The following BZW2 variants were observed in gnomAD, a reference collection of about 807,000 sequenced individuals.
BZW2 encodes the protein basic leucine zipper and W2 domains 2.
Under a neutral mutation model 53.2 loss-of-function variants are expected in BZW2, and 23 were observed. The observed-to-expected ratio is 0.43, with a 90% CI of 0.31 to 0.61. The LOEUF (loss-of-function observed/expected upper bound fraction) is 0.61, where lower values mean the gene tolerates loss of function less well. Among genes scored for constraint, BZW2 ranks in the 20% least tolerant of loss-of-function variants. BZW2 has a pLI of 0.09. For synonymous variants in BZW2, 227 were observed against 186.4 expected, an observed-to-expected ratio of 1.22 and a Z score of -1.77; for missense variants, 409 against 503.1, an observed-to-expected ratio of 0.81 and a Z score of 1.79.
chr7:16,675,015 G>T (rs1229965173), intron 3 of BZW2, among the ~76,000 whole-genome samples: 1 of 151,118 alleles, frequency 6.6e-6, no homozygotes, highest in Non-Finnish European at 1.5e-5. Context: ...CCTGGTTTTT[G>T]AAAAATCATT....
intron 7 of BZW2, among the ~76,000 whole-genome samples, chr7:16,692,762 T>TCAAAA (rs1014723395): frequency 6.6e-6 from 1 of 152,146 alleles, no homozygotes; most frequent in Admixed American, 6.5e-5. Context: ...AGACTCCGTC[T>TCAAAA]CAAAACAAAA....
intron 1 of BZW2, among the ~76,000 whole-genome samples, chr7:16,654,782 G>A (rs1054636525): frequency 2.7e-5 from 4 of 150,936 alleles, no homozygotes; most frequent in African/African-American, 9.8e-5. Context: ...CAGGTGATCC[G>A]CCTGCCTCAG....
intron 6 of BZW2, chr7:16,687,096 G>GT (rs1413404760): frequency 1.3e-5 from 2 of 151,956 alleles, no homozygotes. Flanking sequence ...TGCCTTTCTA[G>GT]TTTTTTTAAA....
intron 1 of BZW2, among the ~76,000 whole-genome samples, chr7:16,653,598 T>C (rs541835545): frequency 1.3e-5 from 2 of 152,344 alleles, no homozygotes; most frequent in South Asian, 4.1e-4. Flanking sequence ...ATCTTTCTCC[T>C]CTACTATGTA....
intron 5 of BZW2, among the ~76,000 whole-genome samples, chr7:16,684,896 G>C (rs908524901): frequency 2.0e-5 from 3 of 152,192 alleles, no homozygotes; most frequent in African/African-American, 7.2e-5. Flanking sequence ...GGAATAGTAA[G>C]TTAATATTTT....
chr7:16,658,854 A>G (rs903723479), intron 1 of BZW2, among the ~76,000 whole-genome samples: 1 of 151,680 alleles, frequency 6.6e-6, no homozygotes, highest in African/African-American at 2.4e-5. Context: ...CAGCCTGGGC[A>G]ACAGAGCAAG....
chr7:16,683,179 G>C (rs768567926), intron 5 of BZW2, among the ~76,000 whole-genome samples: 5 of 152,134 alleles, frequency 3.3e-5, no homozygotes, highest in Non-Finnish European at 5.9e-5. Flanking sequence ...CTGGGCAACA[G>C]AGCAAGACTC....
chr7:16,684,455 A>G (rs974080699), intron 5 of BZW2, among the ~76,000 whole-genome samples: 6 of 152,204 alleles, frequency 3.9e-5, no homozygotes, highest in Non-Finnish European at 5.9e-5. Flanking sequence ...TAATTGAGCA[A>G]TGTGGTTATT....
intron 6 of BZW2, among the ~76,000 whole-genome samples, chr7:16,689,325 G>T (rs1300665913): frequency 2.0e-5 from 3 of 152,292 alleles, no homozygotes; most frequent in Non-Finnish European, 4.4e-5. Flanking sequence ...AATACTTATT[G>T]TATCTATCAC....
intron 7 of BZW2, among the ~76,000 whole-genome samples, chr7:16,690,966 G>A (rs1783284751): frequency 6.6e-6 from 1 of 152,150 alleles, no homozygotes; most frequent in Non-Finnish European, 1.5e-5. Flanking sequence ...CTTCCAATGT[G>A]TTTCAGTGTG....
chr7:16,656,547 G>GCA (rs1782126860), intron 1 of BZW2, among the ~76,000 whole-genome samples: 1 of 111,384 alleles, frequency 9.0e-6, no homozygotes, highest in African/African-American at 4.3e-5. Flanking sequence ...ACTCCCCAGC[G>GCA]CGCGCGCGCA....
rs144538634 is a variant in BZW2, at chr7:16,676,035, C to T, written c.235+1447C>T. Among the ~76,000 whole-genome samples the T allele has an allele frequency of 8.5e-4, 130 of 152,172 alleles. 1 individual carries two copies. The highest frequency in any genetic ancestry group is 2.9e-3 in the African/African-American group (119 of 41,526). ...GGCAGAGGTTACAGTGAGCTGAGAT[C>T]GAGCCTCTGCACCCCAACCTGGGTG... is the stretch of plus-strand genomic sequence containing the variant. On this transcript the variant is annotated intron_variant, in intron 3 of 11. Coordinates refer to ENST00000258761, the MANE Select transcript of BZW2 (RefSeq NM_014038.3).
chr7:16,679,524 G>A (rs1420261532), intron 3 of BZW2, among the ~76,000 whole-genome samples: 13 of 152,200 alleles, frequency 8.5e-5, no homozygotes, highest in South Asian at 8.3e-4. Flanking sequence ...GCTGAAGTCT[G>A]AAGCCCATAG....
chr7:16,663,596 G>T, intron 1 of BZW2, among the ~76,000 whole-genome samples: 1 of 151,730 alleles, frequency 6.6e-6, no homozygotes, highest in South Asian at 2.1e-4. Context: ...ATGTTCTTAA[G>T]GATTTTTTAA....
intron 5 of BZW2, among the ~76,000 whole-genome samples, chr7:16,684,682 C>T (rs890845697): frequency 3.3e-5 from 5 of 152,046 alleles, no homozygotes; most frequent in Non-Finnish European, 7.4e-5. Flanking sequence ...TTCATTCTTC[C>T]CCATTTCTGA....
intron 2 of BZW2, among the ~76,000 whole-genome samples, chr7:16,673,977 G>A (rs554682652): frequency 9.9e-5 from 15 of 152,184 alleles, no homozygotes; most frequent in South Asian, 2.1e-4. Flanking sequence ...TCTGCTCACC[G>A]CAACCTCCAC....
chr7:16,656,551 G>GCA (rs1290070799), intron 1 of BZW2, among the ~76,000 whole-genome samples: 11 of 112,238 alleles, frequency 9.8e-5, no homozygotes, highest in Admixed American at 3.0e-4. Context: ...CCCAGCGCGC[G>GCA]CGCGCACACA....
At chr7:16,691,876 TTC>T (rs1783318403) in intron 7 of BZW2, among the ~76,000 whole-genome samples, 1 of 125,148 alleles carries the variant, frequency 8.0e-6, no homozygotes, top group Non-Finnish European at 1.6e-5. Context: ...TTTTACTAGG[TTC>T]TGTGTGTGTG....
intron 4 of BZW2, among the ~76,000 whole-genome samples, chr7:16,682,494 TCA>T (rs1463457981): frequency 6.6e-6 from 1 of 152,240 alleles, no homozygotes; most frequent in African/African-American, 2.4e-5. Context: ...TCTCTGCATC[TCA>T]CAGTTTAAAA....
Sources: gnomAD v4.1 joint callset for allele counts (sites outside exome capture counted in the v4.1 genomes callset) on GRCh38, gnomAD v4.1.1 for gene constraint, MANE v1.5 for transcripts, NCBI Gene and HGNC (gene_info 2026-07-23, HGNC 2026-07-21) for gene names.